TLE4: variants seen among roughly 807,000 people sequenced by gnomAD.
TLE4 encodes the protein transducin-like enhancer protein 4.
A neutral mutation model predicts 92.8 loss-of-function variants in TLE4; 8 were observed. That is an observed-to-expected ratio of 0.09 (90% confidence interval 0.05 to 0.16). The LOEUF (loss-of-function observed/expected upper bound fraction) is 0.16, where lower values mean the gene tolerates loss of function less well. Among genes scored for constraint, TLE4 ranks in the 10% least tolerant of loss-of-function variants. TLE4 has a pLI of 1.00. For synonymous variants in TLE4, 371 were observed against 374.1 expected (o/e 0.99, Z 0.10); for missense variants, 675 against 997.6 (o/e 0.68, Z 4.36).
At chr9:79,690,797 T>G (rs1310159259) in intron 8 of TLE4, among the ~76,000 whole-genome samples, 36 of 125,950 alleles carry the variant, frequency 2.9e-4, no homozygotes, top group African/African-American at 5.0e-4. Flanking sequence ...TTTTTTTTTT[T>G]TTTTTTTTTT....
chr9:79,626,363 A>T lies in TLE4; in HGVS notation c.316-1011A>T, dbSNP rs373398273. 1.2e-4 allele frequency among the ~76,000 whole-genome samples: 19 copies of T among 152,206 alleles called. 1 individual carries two copies. In the East Asian group the frequency reaches 1.7e-3, roughly 14 times the overall value. ...AAGTTAGCTAAATTTCTCAACTGAG[A>T]TTAACCAAAATAAGACTCTTCAGAT... On this transcript the variant is annotated intron_variant, in intron 5 of 19. Coordinates refer to ENST00000376552, the MANE Select transcript of TLE4 (RefSeq NM_007005.6).
chr9:79,641,276 G>A (rs1333809090), intron 6 of TLE4, among the ~76,000 whole-genome samples: 1 of 151,894 alleles, frequency 6.6e-6, no homozygotes, highest in Non-Finnish European at 1.5e-5. Context: ...TAAAGAAAAT[G>A]AGAAGACAAG....
At chr9:79,579,630 T>C (rs1164203334) in intron 4 of TLE4, among the ~76,000 whole-genome samples, 2 of 152,138 alleles carry the variant, frequency 1.3e-5, no homozygotes, top group Admixed American at 1.3e-4. Flanking sequence ...CATTTATGTA[T>C]GTTTTATGTG....
intron 12 of TLE4, 85 bp from the exon 13 acceptor site, chr9:79,708,508 G>A: frequency 7.6e-7 from 1 of 1,313,110 alleles, no homozygotes; most frequent in East Asian, 2.3e-5. Context: ...TTGAACCATA[G>A]ATTCTATTTT....
At chr9:79,599,751 G>T (rs554922351) in intron 4 of TLE4, among the ~76,000 whole-genome samples, 2 of 152,132 alleles carry the variant, frequency 1.3e-5, no homozygotes, top group African/African-American at 4.8e-5. Context: ...TGCAACATGT[G>T]GTATAGAAAA....
At chr9:79,653,929 T>A in intron 7 of TLE4, 130 bp from the exon 8 acceptor site, 2 of 1,036,254 alleles carry the variant, frequency 1.9e-6, no homozygotes, top group Non-Finnish European at 3.0e-6. Flanking sequence ...ACAGTTGACA[T>A]CTGTGTAATT....
chr9:79,636,742 C>T (rs2055947246), intron 6 of TLE4, among the ~76,000 whole-genome samples: 1 of 152,160 alleles, frequency 6.6e-6, no homozygotes, highest in Admixed American at 6.6e-5. Context: ...ATTTGTTATG[C>T]ATCACTTTCC....
intron 4 of TLE4, among the ~76,000 whole-genome samples, chr9:79,605,450 G>A (rs1230016518): frequency 6.6e-6 from 1 of 152,044 alleles, no homozygotes; most frequent in East Asian, 1.9e-4. Flanking sequence ...TGTTAACATT[G>A]GAGCAGTATT....
chr9:79,704,504 C>T (rs2070939163), intron 8 of TLE4: 6 of 431,162 alleles, frequency 1.4e-5, no homozygotes, highest in Admixed American at 1.2e-4. Flanking sequence ...TTCCTGCCAC[C>T]CTTTTTATTT....
At chr9:79,695,070 T>C (rs747788854) in intron 8 of TLE4, among the ~76,000 whole-genome samples, 2 of 152,122 alleles carry the variant, frequency 1.3e-5, no homozygotes, top group Non-Finnish European at 2.9e-5. Context: ...TTCCCTCTTA[T>C]AGGAAAGATT....
chr9:79,717,154 G>C (rs927594493), intron 14 of TLE4, among the ~76,000 whole-genome samples: 5 of 152,122 alleles, frequency 3.3e-5, no homozygotes, highest in African/African-American at 1.2e-4. Flanking sequence ...CTTTATGGAT[G>C]ATATCTAACC....
intron 6 of TLE4, among the ~76,000 whole-genome samples, chr9:79,641,324 C>G (rs1255662867): frequency 2.0e-5 from 3 of 151,722 alleles, no homozygotes; most frequent in Admixed American, 1.3e-4. Context: ...CACATGTAAC[C>G]AAAAAGTGAT....
rs796748973 is a variant in TLE4 at position 79,690,613 on chromosome 9, CT to C, written c.610-14159del. ...TTTAGGTTACCTAAGACTCCTGCTT[CT>C]TTTTTTTTTTCTTTTTTCAAATTTT... On this transcript the variant is annotated intron_variant, in intron 8 of 19. Coordinates refer to ENST00000376552, the MANE Select transcript of TLE4 (RefSeq NM_007005.6). Among the ~76,000 whole-genome samples, 500 of 145,954 alleles carry C rather than the reference CT, an allele frequency of 3.4e-3. 2 individuals are homozygous for C. The highest frequency in any genetic ancestry group is 0.011 in the African/African-American group (440 of 39,936).
intron 8 of TLE4, among the ~76,000 whole-genome samples, chr9:79,661,351 A>G (rs1330682840): frequency 3.3e-5 from 5 of 152,124 alleles, no homozygotes; most frequent in Non-Finnish European, 7.3e-5. Context: ...CCTCTGTCCA[A>G]CTTATGTATT....
chr9:79,702,050 G>C (rs188695443), intron 8 of TLE4, among the ~76,000 whole-genome samples: 2 of 152,306 alleles, frequency 1.3e-5, no homozygotes, highest in Admixed American at 1.3e-4. Flanking sequence ...GATAGTGGGG[G>C]ATTTCAAAAG....
intron 8 of TLE4, among the ~76,000 whole-genome samples, chr9:79,698,683 C>G (rs2068905649): frequency 1.3e-5 from 2 of 152,008 alleles, no homozygotes. Context: ...CAGTGACTGG[C>G]TCAGTCAGAG....
At chr9:79,720,377 G>GGGGGGTGT (rs1263740198) in intron 16 of TLE4, 84 bp downstream of exon 16, 14 of 316,576 alleles carry the variant, frequency 4.4e-5, no homozygotes, top group African/African-American at 1.1e-4. Flanking sequence ...TATAGGTATG[G>GGGGGGTGT]GTGTGTGTGT....
chr9:79,621,190 A>ATTTTT (rs1187127720), intron 5 of TLE4, among the ~76,000 whole-genome samples: 1 of 152,210 alleles, frequency 6.6e-6, no homozygotes, highest in Non-Finnish European at 1.5e-5. Flanking sequence ...TTGCTGAAAA[A>ATTTTT]GGCTTTTAGT....
chr9:79,626,411 C>G (rs1005577851), intron 5 of TLE4, among the ~76,000 whole-genome samples: 1 of 152,158 alleles, frequency 6.6e-6, no homozygotes. Context: ...ACTTGTTTCA[C>G]GGCGCAGTTC....
Sources: gnomAD v4.1 joint callset for allele counts (sites outside exome capture counted in the v4.1 genomes callset) on GRCh38, gnomAD v4.1.1 for gene constraint, MANE v1.5 for transcripts, NCBI Gene and HGNC (gene_info 2026-07-23, HGNC 2026-07-21) for gene names.